ARL15: variants seen among roughly 807,000 people sequenced by gnomAD.
ARL15 encodes the protein ADP-ribosylation factor-like protein 15.
Under a neutral mutation model 25.2 loss-of-function variants are expected in ARL15, and 19 were observed. That is an observed-to-expected ratio of 0.75 (90% confidence interval 0.53 to 1.10). The LOEUF is 1.10. ARL15 is among the 50% of genes least tolerant of loss of function. The probability of loss-of-function intolerance (pLI) is 0.00; values close to 1 mark genes in which losing one functional copy is unlikely to be tolerated. For missense variants in ARL15, 220 were observed against 246.0 expected (o/e 0.89, Z 0.71); for synonymous variants, 94 against 86.8 (o/e 1.08, Z -0.46).
At chr5:54,227,731 A>G (rs1561275009) in intron 1 of ARL15, among the ~76,000 whole-genome samples, 1 of 152,236 alleles carries the variant, frequency 6.6e-6, no homozygotes, top group Non-Finnish European at 1.5e-5. Context: ...CAACTGAAAG[A>G]AAAGATAACT....
chr5:53,979,351 A>G (rs1748044583), intron 4 of ARL15, among the ~76,000 whole-genome samples: 1 of 152,066 alleles, frequency 6.6e-6, no homozygotes, highest in African/African-American at 2.4e-5. Context: ...TGGGCAACAT[A>G]GTGAGACCTC....
chr5:54,145,349 G>A (rs536199841), intron 3 of ARL15, among the ~76,000 whole-genome samples: 58 of 152,178 alleles, frequency 3.8e-4, no homozygotes, highest in African/African-American at 1.1e-3. Flanking sequence ...ACTTTGGACC[G>A]CAAGAAATTA....
At chr5:54,074,303 C>T (rs1282148697) in intron 4 of ARL15, among the ~76,000 whole-genome samples, 1 of 152,174 alleles carries the variant, frequency 6.6e-6, no homozygotes, top group African/African-American at 2.4e-5. Flanking sequence ...GCTGTGAGAA[C>T]TAAATGCCTA....
rs981739955 is a variant in ARL15, at chr5:53,896,687, G to A, written c.463-9974C>T. Among the ~76,000 whole-genome samples, 7 of 152,000 alleles carry A rather than the reference G, an allele frequency of 4.6e-5. No homozygotes were observed. The South Asian group carries it at 1.0e-3, about 23-fold the overall frequency. The stretch of plus-strand genomic sequence containing the variant: ...AATTTTTTGTATTTTTAGTAGAGAC[G>A]GGGTTTCACTGTGTTAGCCAGGATG... On this transcript the variant is annotated intron_variant, in intron 4 of 4. Transcript: ENST00000504924.
At chr5:54,295,674 A>C (rs1758447541) in intron 1 of ARL15, among the ~76,000 whole-genome samples, 1 of 152,232 alleles carries the variant, frequency 6.6e-6, no homozygotes, top group South Asian at 2.1e-4. Flanking sequence ...AAACAAAGAG[A>C]GAAATCCAAT....
At chr5:53,968,142 T>A (rs1379947140) in intron 4 of ARL15, among the ~76,000 whole-genome samples, 2 of 152,116 alleles carry the variant, frequency 1.3e-5, no homozygotes, top group African/African-American at 4.8e-5. Flanking sequence ...CTCTTTAATA[T>A]AAGAGAGAGT....
chr5:54,088,824 A>G (rs1752053057), intron 4 of ARL15, among the ~76,000 whole-genome samples: 1 of 152,200 alleles, frequency 6.6e-6, no homozygotes, highest in African/African-American at 2.4e-5. Context: ...GTAGTTTATT[A>G]AAATAAAAAA....
At chr5:54,227,868 G>GT (rs1290677334) in intron 1 of ARL15, among the ~76,000 whole-genome samples, 26 of 152,308 alleles carry the variant, frequency 1.7e-4, no homozygotes, top group African/African-American at 6.3e-4. Flanking sequence ...GTACAAAACA[G>GT]TAAGTGGTCT....
intron 1 of ARL15, among the ~76,000 whole-genome samples, chr5:54,180,239 T>C (rs906962306): frequency 4.6e-5 from 7 of 152,050 alleles, no homozygotes; most frequent in Non-Finnish European, 8.8e-5. Context: ...GGAGGAAATA[T>C]ATGAATAAAC....
intron 3 of ARL15, among the ~76,000 whole-genome samples, chr5:54,119,802 T>C (rs2112239212): frequency 6.6e-6 from 1 of 152,296 alleles, no homozygotes; most frequent in South Asian, 2.1e-4. Context: ...CCTTAGTTCT[T>C]GTAAATTCAA....
intron 4 of ARL15, among the ~76,000 whole-genome samples, chr5:54,111,967 G>T (rs1299422268): frequency 6.6e-6 from 1 of 152,008 alleles, no homozygotes; most frequent in Non-Finnish European, 1.5e-5. Flanking sequence ...TTTCTGAATA[G>T]ATTTTTATTG....
intron 1 of ARL15, among the ~76,000 whole-genome samples, chr5:54,236,170 G>C (rs1307962472): frequency 6.6e-6 from 1 of 152,140 alleles, no homozygotes; most frequent in Non-Finnish European, 1.5e-5. Context: ...GGCAGAGATA[G>C]CTACTCCTTC....
chr5:54,307,979 TTAAAAA>T (rs1278476306), intron 1 of ARL15: 3 of 152,154 alleles, frequency 2.0e-5, no homozygotes, highest in Non-Finnish European at 2.9e-5. Context: ...CAGGAATTTT[TTAAAAA>T]TAAAATAAGA....
At chr5:53,945,610 A>C (rs1219692300) in intron 4 of ARL15, among the ~76,000 whole-genome samples, 1 of 152,238 alleles carries the variant, frequency 6.6e-6, no homozygotes. Context: ...AATTGCAAAC[A>C]CCATACATTA....
At chr5:54,037,574 G>A (rs1304252771) in intron 4 of ARL15, among the ~76,000 whole-genome samples, 2 of 151,982 alleles carry the variant, frequency 1.3e-5, no homozygotes, top group Non-Finnish European at 2.9e-5. Flanking sequence ...TTATCATTAG[G>A]TTTTACCTGC....
At chr5:54,273,667 C>G (rs1422014625) in intron 1 of ARL15, among the ~76,000 whole-genome samples, 1 of 152,172 alleles carries the variant, frequency 6.6e-6, no homozygotes, top group Non-Finnish European at 1.5e-5. Context: ...GGTCTCCTCT[C>G]AGTAAAATGA....
chr5:54,185,444 A>G (rs1032373928), intron 1 of ARL15, among the ~76,000 whole-genome samples: 5 of 152,198 alleles, frequency 3.3e-5, no homozygotes, highest in African/African-American at 4.8e-5. Flanking sequence ...TGTCAAGTAC[A>G]GTTGATTTGC....
intron 3 of ARL15, among the ~76,000 whole-genome samples, chr5:54,136,357 G>C (rs1263390337): frequency 1.3e-5 from 2 of 152,132 alleles, no homozygotes; most frequent in African/African-American, 4.8e-5. Flanking sequence ...ATTCAAAAGT[G>C]AATTAAAATG....
At chr5:54,242,189 TTAAGTTA>T (rs1554049931) in intron 1 of ARL15, among the ~76,000 whole-genome samples, 1 of 151,802 alleles carries the variant, frequency 6.6e-6, no homozygotes, top group Non-Finnish European at 1.5e-5. Flanking sequence ...ACACACACAA[TTAAGTTA>T]TAAGTTACAT....
Sources: allele counts gnomAD v4.1 joint callset (sites outside exome capture counted in the v4.1 genomes callset), GRCh38; gene constraint gnomAD v4.1.1; transcripts MANE v1.5; gene names NCBI Gene and HGNC (gene_info 2026-07-23, HGNC 2026-07-21).